CDK14: variants seen among roughly 807,000 people sequenced by gnomAD.
The protein encoded by CDK14 is cyclin-dependent kinase 14.
In CDK14, 34 loss-of-function variants were observed where a neutral mutation model predicts 60.7. The observed-to-expected ratio is 0.56, with a 90% CI of 0.43 to 0.75. The LOEUF (loss-of-function observed/expected upper bound fraction) is 0.75, where lower values mean the gene tolerates loss of function less well. CDK14 is among the 30% of genes least tolerant of loss of function. CDK14 has a pLI of 0.00. For synonymous variants in CDK14, 197 were observed against 203.7 expected (o/e 0.97, Z 0.28); for missense variants, 482 against 564.1 (o/e 0.85, Z 1.47).
At chr7:90,855,060 G>T (rs566098460) in intron 5 of CDK14, among the ~76,000 whole-genome samples, 1 of 152,346 alleles carries the variant, frequency 6.6e-6, no homozygotes, top group South Asian at 2.1e-4. Context: ...AACAGCAGAA[G>T]AGGGTCATTT....
At chr7:91,178,649 A>T (rs1297587848) in intron 14 of CDK14, among the ~76,000 whole-genome samples, 3 of 152,316 alleles carry the variant, frequency 2.0e-5, no homozygotes, top group Admixed American at 6.5e-5. Context: ...TGGGCGAAGG[A>T]CATGAACAGA....
At chr7:90,947,127 C>T (rs1794124463) in intron 8 of CDK14, among the ~76,000 whole-genome samples, 1 of 152,234 alleles carries the variant, frequency 6.6e-6, no homozygotes, top group African/African-American at 2.4e-5. Flanking sequence ...GCTCTCTAGA[C>T]AGCGTCAGTC....
At position 90,654,663 on chromosome 7, in the gene CDK14, C is replaced by CT. The variant is rs1013099986; in HGVS notation, c.123+50421dup. ...TCAGTTTTTTAAAAAAATTAATAGG[C>CT]TTTTTTTGGGTGGGAGGGGGCTCAA... On this transcript the variant is annotated intron_variant, in intron 2 of 14. Transcript: ENST00000380050. Among the ~76,000 whole-genome samples, 210 of 152,110 alleles carry CT rather than the reference C, an allele frequency of 1.4e-3. 1 individual carries two copies. The highest frequency in any genetic ancestry group is 3.4e-3 in the Middle Eastern group (1 of 294).
At chr7:90,838,101 A>T (rs908867526) in intron 5 of CDK14, among the ~76,000 whole-genome samples, 19 of 152,272 alleles carry the variant, frequency 1.2e-4, no homozygotes, top group African/African-American at 4.6e-4. Context: ...GACCGGCTGA[A>T]GCTGCGGCAG....
intron 2 of CDK14, among the ~76,000 whole-genome samples, chr7:90,646,283 AC>A (rs1800464951): frequency 6.7e-6 from 1 of 148,742 alleles, no homozygotes; most frequent in Admixed American, 6.8e-5. Context: ...TGAGAGGCAT[AC>A]TGACAGTATG....
chr7:90,676,439 A>G (rs1801198523), intron 2 of CDK14, among the ~76,000 whole-genome samples: 1 of 151,644 alleles, frequency 6.6e-6, no homozygotes, highest in Admixed American at 6.6e-5. Context: ...GTTGCTGGGG[A>G]GAGGTTGGGT....
intron 10 of CDK14, among the ~76,000 whole-genome samples, chr7:91,014,002 C>G (rs1350715132): frequency 1.3e-5 from 2 of 151,944 alleles, no homozygotes; most frequent in Non-Finnish European, 2.9e-5. Flanking sequence ...ATAAACTCTT[C>G]TGGTATTTAA....
At chr7:90,668,864 G>A (rs1306810270) in intron 2 of CDK14, among the ~76,000 whole-genome samples, 6 of 150,812 alleles carry the variant, frequency 4.0e-5, no homozygotes, top group Non-Finnish European at 5.9e-5. Flanking sequence ...GCGTGCCACC[G>A]TGCCTGGCTA....
intron 6 of CDK14, among the ~76,000 whole-genome samples, chr7:90,877,860 A>C (rs1009369487): frequency 6.6e-6 from 1 of 152,106 alleles, no homozygotes; most frequent in Non-Finnish European, 1.5e-5. Flanking sequence ...CATTGAACTG[A>C]GTGGTATCTT....
intron 14 of CDK14, among the ~76,000 whole-genome samples, chr7:91,159,768 C>A (rs1801109636): frequency 6.6e-6 from 1 of 152,146 alleles, no homozygotes; most frequent in Non-Finnish European, 1.5e-5. Flanking sequence ...ACTGAGGTTA[C>A]CAGCCCAGGA....
chr7:90,697,717 T>C (rs1370409802), intron 2 of CDK14, among the ~76,000 whole-genome samples: 3 of 152,120 alleles, frequency 2.0e-5, no homozygotes, highest in African/African-American at 7.2e-5. Context: ...TCTTGTAGAA[T>C]ATCTAAATAG....
At chr7:90,921,127 G>A (rs1303586443) in intron 8 of CDK14, among the ~76,000 whole-genome samples, 3 of 152,164 alleles carry the variant, frequency 2.0e-5, no homozygotes, top group African/African-American at 7.2e-5. Flanking sequence ...TTTCCTAAAA[G>A]ATGGTTCATC....
At chr7:90,867,318 A>G (rs953324805) in intron 6 of CDK14, among the ~76,000 whole-genome samples, 3 of 152,166 alleles carry the variant, frequency 2.0e-5, no homozygotes, top group Non-Finnish European at 4.4e-5. Context: ...GTTCTAACAA[A>G]TTTTTCTTCT....
intron 14 of CDK14, among the ~76,000 whole-genome samples, chr7:91,173,738 G>T (rs973236709): frequency 6.6e-6 from 1 of 152,136 alleles, no homozygotes; most frequent in Non-Finnish European, 1.5e-5. Flanking sequence ...CCAATACCGC[G>T]CTTTTCCGAT....
intron 2 of CDK14, among the ~76,000 whole-genome samples, chr7:90,621,215 C>T (rs1479261398): frequency 3.3e-5 from 5 of 152,272 alleles, no homozygotes; most frequent in African/African-American, 1.2e-4. Context: ...GTTGGTGCCT[C>T]GCCAGAGGTT....
At chr7:90,636,944 GA>G (rs1302305731) in intron 2 of CDK14, among the ~76,000 whole-genome samples, 1 of 151,002 alleles carries the variant, frequency 6.6e-6, no homozygotes, top group Non-Finnish European at 1.5e-5. Context: ...AGTATTCTCT[GA>G]TGGTAGTTTG....
chr7:90,866,507 C>A (rs1287591304), intron 6 of CDK14, among the ~76,000 whole-genome samples: 1 of 151,922 alleles, frequency 6.6e-6, no homozygotes, highest in Non-Finnish European at 1.5e-5. Flanking sequence ...CTGGATATGA[C>A]GGGAAAGTAA....
chr7:90,683,405 A>T (rs1486153210), intron 2 of CDK14, among the ~76,000 whole-genome samples: 3 of 152,022 alleles, frequency 2.0e-5, no homozygotes, highest in East Asian at 3.9e-4. Flanking sequence ...GCACCTTCCT[A>T]CTTTGTGACA....
At chr7:90,629,403 C>A (rs1416229824) in intron 2 of CDK14, among the ~76,000 whole-genome samples, 1 of 152,178 alleles carries the variant, frequency 6.6e-6, no homozygotes, top group Non-Finnish European at 1.5e-5. Context: ...TATTTTTAAT[C>A]ACTTTGTCCC....
Sources: allele counts gnomAD v4.1 joint callset (sites outside exome capture counted in the v4.1 genomes callset), GRCh38; gene constraint gnomAD v4.1.1; transcripts MANE v1.5; gene names NCBI Gene and HGNC (gene_info 2026-07-23, HGNC 2026-07-21).